Variants in MVB12B observed in about 807,000 individuals in gnomAD.
MVB12B encodes the protein multivesicular body subunit 12B, also known as ESCRT-I complex subunit MVB12B.
MVB12B carries 16 observed loss-of-function variants against 41.6 expected under a neutral mutation model. The observed-to-expected ratio is 0.38, with a 90% CI of 0.26 to 0.58. The LOEUF (loss-of-function observed/expected upper bound fraction) is 0.58. MVB12B is among the 20% of genes least tolerant of loss of function. The pLI, the probability that MVB12B is intolerant of heterozygous loss-of-function variation, is 0.62. For synonymous variants in MVB12B, 133 were observed against 139.7 expected (o/e 0.95, Z 0.34); for missense variants, 274 against 380.2 (o/e 0.72, Z 2.32).
At chr9:126,390,590 A>G (rs1830922286) in intron 4 of MVB12B, among the ~76,000 whole-genome samples, 1 of 152,204 alleles carries the variant, frequency 6.6e-6, no homozygotes, top group Non-Finnish European at 1.5e-5. Flanking sequence ...TTTTTCCTAT[A>G]CAAAACTTAT....
Position 126,468,675 on chromosome 9 carries a change from G to A in MVB12B, c.758-12694G>A, listed in dbSNP as rs186228346. The stretch of plus-strand genomic sequence containing the variant: ...TCAGTGTCAGAACTTCCTCCCTGGT[G>A]TTCCTGCTCCAGCCTCACTCCCTGT... On this transcript the variant is annotated intron_variant, in intron 7 of 9. Coordinates refer to ENST00000361171, the MANE Select transcript of MVB12B (RefSeq NM_033446.3). The surrounding 1 kb of genome is among the most constrained non-coding windows in gnomAD (Gnocchi z 4.3). 7.7e-4 allele frequency among the ~76,000 whole-genome samples: 118 copies of A among 152,288 alleles called. No individual in the cohort carries two copies. Among genetic ancestry groups the A allele is most frequent in the Non-Finnish European group, 1.3e-3 (86 of 68,032 alleles).
At chr9:126,442,775 A>G (rs1832671410) in intron 7 of MVB12B, among the ~76,000 whole-genome samples, 2 of 152,158 alleles carry the variant, frequency 1.3e-5, no homozygotes, top group Admixed American at 1.3e-4. Context: ...CATGGTGGCA[A>G]GGCCTACAGC....
intron 6 of MVB12B, among the ~76,000 whole-genome samples, chr9:126,403,950 C>CTTTTT (rs36030597): frequency 2.5e-3 from 262 of 104,750 alleles, no homozygotes; most frequent in East Asian, 8.8e-3. Context: ...TCCTTTAAAT[C>CTTTTT]TTTTTTTTTT....
At chr9:126,427,647 A>G (rs1361235080) in intron 7 of MVB12B, among the ~76,000 whole-genome samples, 1 of 152,248 alleles carries the variant, frequency 6.6e-6, no homozygotes, top group East Asian at 1.9e-4. Context: ...ACATAGTAAA[A>G]TTAAGCAAAT....
At chr9:126,345,985 G>T (rs1829575782) in intron 2 of MVB12B, among the ~76,000 whole-genome samples, 1 of 152,212 alleles carries the variant, frequency 6.6e-6, no homozygotes, top group African/African-American at 2.4e-5. Flanking sequence ...CCAGTATCCT[G>T]AGAAGGCTGG....
intron 2 of MVB12B, among the ~76,000 whole-genome samples, chr9:126,361,582 GA>G (rs1830031088): frequency 1.3e-5 from 2 of 151,786 alleles, no homozygotes; most frequent in African/African-American, 4.8e-5. Flanking sequence ...CCTTCAGCCT[GA>G]GGAACTTTTT....
intron 7 of MVB12B, among the ~76,000 whole-genome samples, chr9:126,432,367 C>T (rs1477063274): frequency 6.6e-6 from 1 of 152,254 alleles, no homozygotes; most frequent in Non-Finnish European, 1.5e-5. Flanking sequence ...TGACCAGACA[C>T]TCCTGCCTAG....
At chr9:126,399,527 C>G (rs963548855) in intron 6 of MVB12B, among the ~76,000 whole-genome samples, 5 of 152,204 alleles carry the variant, frequency 3.3e-5, no homozygotes, top group Admixed American at 2.0e-4. Flanking sequence ...AGAGGAAACA[C>G]CTTCCTGGCC....
intron 7 of MVB12B, among the ~76,000 whole-genome samples, chr9:126,458,665 T>C (rs779371331): frequency 6.6e-6 from 1 of 152,224 alleles, no homozygotes; most frequent in African/African-American, 2.4e-5. Context: ...CCCTGGCTTA[T>C]TGGTATCTTT....
chr9:126,452,443 G>A (rs540652245), intron 7 of MVB12B, among the ~76,000 whole-genome samples: 23 of 152,346 alleles, frequency 1.5e-4, no homozygotes, highest in Non-Finnish European at 2.9e-5. Flanking sequence ...GGGTTGCCTG[G>A]GAGCTGGGGA....
intron 2 of MVB12B, among the ~76,000 whole-genome samples, chr9:126,343,274 ACTGGTG>A (rs1829498523): frequency 6.6e-6 from 1 of 152,152 alleles, no homozygotes; most frequent in South Asian, 2.1e-4. Flanking sequence ...TCTGGGAGTG[ACTGGTG>A]CTTCTCTCCC....
intron 1 of MVB12B, among the ~76,000 whole-genome samples, chr9:126,336,716 G>A (rs913242528): frequency 1.3e-5 from 2 of 151,038 alleles, no homozygotes; most frequent in Non-Finnish European, 2.9e-5. Context: ...TTCCCATTCC[G>A]TACACTTGTG....
chr9:126,330,743 A>C (rs753497460), intron 1 of MVB12B, among the ~76,000 whole-genome samples: 1 of 152,220 alleles, frequency 6.6e-6, no homozygotes, highest in Admixed American at 6.5e-5. Context: ...CGCTGTGCTC[A>C]TAAAACAACT....
At chr9:126,388,342 T>G (rs1015833656) in intron 4 of MVB12B, among the ~76,000 whole-genome samples, 15 of 152,244 alleles carry the variant, frequency 9.9e-5, no homozygotes, top group Admixed American at 2.6e-4. Context: ...TTTTCAAGGT[T>G]GGCCCACGTT....
intron 9 of MVB12B, among the ~76,000 whole-genome samples, chr9:126,489,358 G>A (rs916837457): frequency 1.3e-5 from 2 of 152,192 alleles, no homozygotes; most frequent in South Asian, 2.1e-4. Flanking sequence ...GCCACACAGC[G>A]CGGCAGTCAG....
chr9:126,421,492 C>T (rs771949072), intron 6 of MVB12B, among the ~76,000 whole-genome samples: 1 of 152,220 alleles, frequency 6.6e-6, no homozygotes, highest in Non-Finnish European at 1.5e-5. Context: ...TGGTGTTCAG[C>T]GCCTGGGTTG....
chr9:126,395,269 A>C lies in MVB12B; in HGVS notation c.540-306A>C, dbSNP rs1378948178. ...ATTATCACGTCACACTCCACAAGGA[A>C]ATGGCAAAACAAAAAGAAGTTTGGA... On this transcript the variant is annotated intron_variant, in intron 5 of 9. Coordinates refer to ENST00000361171, the MANE Select transcript of MVB12B (RefSeq NM_033446.3). This position sits in a 1 kb window ranked among gnomAD's most constrained non-coding sequence, Gnocchi z 4.9. 6.6e-6 allele frequency among the ~76,000 whole-genome samples: 1 copy of C among 152,230 alleles called. No homozygotes were observed. The highest frequency in any genetic ancestry group is 1.5e-5 in the Non-Finnish European group (1 of 68,048).
At chr9:126,452,513 A>C (rs1832905068) in intron 7 of MVB12B, among the ~76,000 whole-genome samples, 1 of 152,190 alleles carries the variant, frequency 6.6e-6, no homozygotes. Flanking sequence ...GGTGCAACAC[A>C]TTCAGCAGGG....
rs565437890 is a variant in MVB12B at position 126,367,356 on chromosome 9, G to GCT, written c.205-13696_205-13695dup. ...CCAGATCTCTGTGGTCGTATGGTCT[G>GCT]CTCTCTCTCTCTCATCCGCGTGGCC... On this transcript the variant is annotated intron_variant, in intron 2 of 9. Coordinates refer to ENST00000361171, the MANE Select transcript of MVB12B (RefSeq NM_033446.3). The surrounding 1 kb of genome is among the most constrained non-coding windows in gnomAD (Gnocchi z 4.3). Among the ~76,000 whole-genome samples the GCT allele has an allele frequency of 0.015, 2,233 of 151,660 alleles. 52 individuals carry two copies. Among genetic ancestry groups the GCT allele is most frequent in the African/African-American group, 0.052 (2,140 of 41,356 alleles).
Sources: gnomAD v4.1 joint callset for allele counts (sites outside exome capture counted in the v4.1 genomes callset) on GRCh38, gnomAD v4.1.1 for gene constraint, Gnocchi (gnomAD v3.1) non-coding constraint, MANE v1.5 for transcripts, NCBI Gene and HGNC (gene_info 2026-07-23, HGNC 2026-07-21) for gene names.